The following SH2D4A variants were observed in gnomAD, a reference collection of about 807,000 sequenced individuals.
The protein encoded by SH2D4A is SH2 domain-containing protein 4A.
A neutral mutation model predicts 64.7 loss-of-function variants in SH2D4A; 70 were observed. The observed-to-expected ratio is 1.08, with a 90% CI of 0.89 to 1.32. The LOEUF (loss-of-function observed/expected upper bound fraction) is 1.32. SH2D4A is among the 40% of genes most tolerant of loss of function. SH2D4A has a pLI of 0.00. For missense variants in SH2D4A, 706 were observed against 540.1 expected (o/e 1.31, Z -3.04); for synonymous variants, 268 against 200.7 (o/e 1.34, Z -2.83).
chr8:19,355,346 G>A (rs577925249), intron 4 of SH2D4A, among the ~76,000 whole-genome samples: 6 of 152,188 alleles, frequency 3.9e-5, no homozygotes, highest in Admixed American at 2.0e-4. Context: ...GAGCAGACGC[G>A]CTTACATGAA....
At chr8:19,332,025 C>T (rs1399599840) in intron 2 of SH2D4A, among the ~76,000 whole-genome samples, 1 of 152,026 alleles carries the variant, frequency 6.6e-6, no homozygotes, top group East Asian at 1.9e-4. Flanking sequence ...CATGGTAATG[C>T]ATGCCTGCAT....
intron 8 of SH2D4A, among the ~76,000 whole-genome samples, chr8:19,373,987 G>A (rs762038741): frequency 1.2e-4 from 19 of 152,160 alleles, no homozygotes; most frequent in Non-Finnish European, 2.1e-4. Context: ...AAATGGCCAC[G>A]TCTTCCTTTC....
intron 8 of SH2D4A, among the ~76,000 whole-genome samples, chr8:19,376,352 T>A (rs1356581870): frequency 6.6e-6 from 1 of 152,120 alleles, no homozygotes. Context: ...CCAGGCACAG[T>A]GGCTCATGTC....
rs796631029 is a variant in SH2D4A, at chr8:19,351,535, G to A, written c.514-5668G>A. ...GGAGAATGGCGTGAACCCAGGAGGC[G>A]GAGCTTGCAGTGAGCTGAGATCGCA... On this transcript the variant is annotated intron_variant, in intron 4 of 9. Transcript: ENST00000265807. Among the ~76,000 whole-genome samples, 854 of 152,066 alleles carry A rather than the reference G, an allele frequency of 5.6e-3. 9 individuals are homozygous for A. Among genetic ancestry groups the A allele is most frequent in the African/African-American group, 0.02 (812 of 41,476 alleles).
intron 8 of SH2D4A, among the ~76,000 whole-genome samples, chr8:19,390,637 C>G (rs115065098): frequency 6.6e-6 from 1 of 152,170 alleles, no homozygotes; most frequent in African/African-American, 2.4e-5. Context: ...AAAGCAAAGA[C>G]AAACTACCAC....
chr8:19,341,922 G>A (rs2117231675), intron 4 of SH2D4A, among the ~76,000 whole-genome samples: 1 of 151,836 alleles, frequency 6.6e-6, no homozygotes, highest in East Asian at 1.9e-4. Flanking sequence ...GAGTCAGAAT[G>A]CACTTCTTAC....
At chr8:19,386,659 G>A (rs984259038) in intron 8 of SH2D4A, among the ~76,000 whole-genome samples, 2 of 152,184 alleles carry the variant, frequency 1.3e-5, no homozygotes, top group Admixed American at 6.5e-5. Flanking sequence ...GGGTGTGTGA[G>A]AACCTAAGAA....
intron 2 of SH2D4A, among the ~76,000 whole-genome samples, chr8:19,329,355 A>G (rs890929565): frequency 6.6e-6 from 1 of 152,022 alleles, no homozygotes; most frequent in Non-Finnish European, 1.5e-5. Context: ...AAGCATTCCC[A>G]TAGCATCCTT....
At chr8:19,382,906 C>A (rs892933617) in intron 8 of SH2D4A, among the ~76,000 whole-genome samples, 1 of 142,266 alleles carries the variant, frequency 7.0e-6, no homozygotes, top group Non-Finnish European at 1.5e-5. Context: ...TCTTGACTCG[C>A]TACAGCCTTG....
At chr8:19,313,964 T>C (rs941467178) in intron 1 of SH2D4A, 141 bp downstream of exon 1, 10 of 1,260,884 alleles carry the variant, frequency 7.9e-6, no homozygotes, top group Admixed American at 8.5e-5. Flanking sequence ...CACCCCCGCC[T>C]CCACCCCTTC....
chr8:19,324,346 T>G (rs903062096), intron 2 of SH2D4A, among the ~76,000 whole-genome samples: 5 of 152,238 alleles, frequency 3.3e-5, no homozygotes, highest in African/African-American at 9.6e-5. Flanking sequence ...TACAGCTTTT[T>G]TTGCTGCGTT....
intron 4 of SH2D4A, among the ~76,000 whole-genome samples, chr8:19,348,202 C>T (rs1341988933): frequency 1.3e-5 from 2 of 152,024 alleles, no homozygotes; most frequent in African/African-American, 4.8e-5. Flanking sequence ...CTCAGGTGAT[C>T]CTCCTTCCTC....
intron 9 of SH2D4A, 85 bp downstream of exon 9, chr8:19,393,626 G>C: frequency 2.9e-6 from 4 of 1,363,264 alleles, no homozygotes; most frequent in Non-Finnish European, 2.1e-6. Context: ...CAAAGAAAAG[G>C]ACTGAGACAA....
intron 8 of SH2D4A, among the ~76,000 whole-genome samples, chr8:19,374,081 C>T (rs574421022): frequency 1.1e-4 from 17 of 152,286 alleles, no homozygotes; most frequent in Admixed American, 7.2e-4. Context: ...TTACTTTTTC[C>T]GTAGGAAATC....
chr8:19,332,399 G>T (rs4075192), intron 2 of SH2D4A, among the ~76,000 whole-genome samples: 33,023 of 152,052 alleles, frequency 0.22, 3,825 homozygotes, highest in Middle Eastern at 0.33. Context: ...ACTTTGGCAG[G>T]CTGAGGTGGG....
chr8:19,313,942 G>A (rs942589396), intron 1 of SH2D4A, 119 bp downstream of exon 1: 9 of 1,281,608 alleles, frequency 7.0e-6, no homozygotes, highest in South Asian at 2.5e-5. Context: ...CAGAGCGGGC[G>A]GGCGGAAGCC....
At chr8:19,380,165 T>C (rs568170798) in intron 8 of SH2D4A, among the ~76,000 whole-genome samples, 1 of 152,348 alleles carries the variant, frequency 6.6e-6, no homozygotes, top group South Asian at 2.1e-4. Flanking sequence ...TTATTGGCCA[T>C]TTGTATATCT....
intron 8 of SH2D4A, among the ~76,000 whole-genome samples, chr8:19,384,054 T>G (rs962606406): frequency 8.5e-5 from 13 of 152,220 alleles, no homozygotes; most frequent in Non-Finnish European, 1.6e-4. Flanking sequence ...CTGTTCCCCT[T>G]TCTTTTCGTA....
intron 4 of SH2D4A, 123 bp downstream of exon 4, chr8:19,334,980 C>A: frequency 8.4e-7 from 1 of 1,185,930 alleles, no homozygotes; most frequent in East Asian, 2.6e-5. Flanking sequence ...GGAGAAATGC[C>A]TCCTAACTTT....
Sources: gnomAD v4.1 joint callset for allele counts (sites outside exome capture counted in the v4.1 genomes callset) on GRCh38, gnomAD v4.1.1 for gene constraint, MANE v1.5 for transcripts, NCBI Gene and HGNC (gene_info 2026-07-23, HGNC 2026-07-21) for gene names.